The following LRP1B variants were observed in gnomAD, a reference collection of about 807,000 sequenced individuals.
LRP1B encodes LDL receptor related protein 1B.
LRP1B carries 217 observed loss-of-function variants against 556.6 expected under a neutral mutation model. The ratio of observed to expected loss-of-function variants is 0.39; its 90% CI spans 0.35 to 0.44. The LOEUF is 0.44. LRP1B is among the 20% of genes least tolerant of loss of function. The probability of loss-of-function intolerance (pLI) is 1.00; values close to 1 mark genes in which losing one functional copy is unlikely to be tolerated. For synonymous variants in LRP1B, 2,047 were observed against 1,865.8 expected (o/e 1.10, Z -2.50); for missense variants, 5,053 against 5,620.8 (o/e 0.90, Z 3.23).
intron 41 of LRP1B, among the ~76,000 whole-genome samples, chr2:140,691,014 T>A (rs143502017): frequency 6.6e-6 from 1 of 152,274 alleles, no homozygotes; most frequent in African/African-American, 2.4e-5. Flanking sequence ...TATTCTATGA[T>A]CAAATTAAAA....
chr2:141,739,988 A>G (rs1043007098), intron 2 of LRP1B, among the ~76,000 whole-genome samples: 5 of 152,130 alleles, frequency 3.3e-5, no homozygotes, highest in Non-Finnish European at 7.4e-5. Context: ...CCACAAATCA[A>G]TGTTGAAAAG....
At chr2:141,215,155 T>C (rs528137702) in intron 6 of LRP1B, among the ~76,000 whole-genome samples, 2 of 152,218 alleles carry the variant, frequency 1.3e-5, no homozygotes, top group East Asian at 3.9e-4. Context: ...ATCTGGTTAT[T>C]TGAAAGTGTG....
chr2:140,471,379 T>C (rs1200624576), intron 60 of LRP1B, among the ~76,000 whole-genome samples: 1 of 152,200 alleles, frequency 6.6e-6, no homozygotes, highest in African/African-American at 2.4e-5. Context: ...ACATAGAGAT[T>C]CTGAATATCT....
intron 1 of LRP1B, among the ~76,000 whole-genome samples, chr2:141,829,531 G>A (rs781703587): frequency 3.9e-4 from 59 of 152,018 alleles, no homozygotes; most frequent in Non-Finnish European, 7.8e-4. Flanking sequence ...GTTTTTCTTA[G>A]CATGCTGATA....
intron 2 of LRP1B, among the ~76,000 whole-genome samples, chr2:141,655,785 T>C (rs1414800549): frequency 6.6e-6 from 1 of 152,152 alleles, no homozygotes; most frequent in Admixed American, 6.6e-5. Context: ...ACTGACTTTC[T>C]CCAGGTTATA....
intron 2 of LRP1B, among the ~76,000 whole-genome samples, chr2:141,585,347 C>T (rs140585136): frequency 6.6e-6 from 1 of 151,534 alleles, no homozygotes; most frequent in Non-Finnish European, 1.5e-5. Flanking sequence ...TAAAAGAAAA[C>T]CCTTATTCAA....
At chr2:140,669,099 G>A (rs1685390577) in intron 41 of LRP1B, among the ~76,000 whole-genome samples, 1 of 152,148 alleles carries the variant, frequency 6.6e-6, no homozygotes, top group African/African-American at 2.4e-5. Flanking sequence ...AGAGAACTGG[G>A]TATCAGGGTA....
chr2:142,060,704 G>A (rs772316042), intron 1 of LRP1B, among the ~76,000 whole-genome samples: 2 of 152,024 alleles, frequency 1.3e-5, no homozygotes, highest in Non-Finnish European at 2.9e-5. Context: ...TATGTTTTAA[G>A]AGAATACATA....
intron 3 of LRP1B, among the ~76,000 whole-genome samples, chr2:141,260,219 T>C (rs1684633267): frequency 6.6e-6 from 1 of 152,234 alleles, no homozygotes; most frequent in East Asian, 1.9e-4. Flanking sequence ...TTGATCTCTT[T>C]GTATCTATAA....
chr2:140,725,658 C>T (rs538098940), intron 35 of LRP1B, among the ~76,000 whole-genome samples: 1 of 151,494 alleles, frequency 6.6e-6, no homozygotes, highest in Non-Finnish European at 1.5e-5. Flanking sequence ...ACATTGTGCA[C>T]ATGTACCCTA....
intron 2 of LRP1B, among the ~76,000 whole-genome samples, chr2:141,534,831 G>A (rs191831217): frequency 2.6e-5 from 4 of 152,228 alleles, no homozygotes; most frequent in Admixed American, 2.6e-4. Flanking sequence ...GTACACTTCA[G>A]GGCATGGGGC....
rs3749010 is a variant in LRP1B, at chr2:140,813,760, T to G, written c.5256A>C (p.Ser1752=). Residue 1752 remains serine (S), a synonymous_variant, in exon 32 of 91, where the codon TCA becomes TCC. Coordinates refer to ENST00000389484, the MANE Select transcript of LRP1B (RefSeq NM_018557.3). Reference sequence around the variant, plus strand: ...TGCATCTATTTATGGTTCCATTCCCTGAACTGATCCAATAAAGCTTGTTTT... The same window carrying G: ...TGCATCTATTTATGGTTCCATTCCCGGAACTGATCCAATAAAGCTTGTTTT... ...YVENKLYWIS[S]GNGTINRCNL... is the part of the protein sequence containing the mutation. 1 of 1,609,082 alleles carries G rather than the reference T, an allele frequency of 6.2e-7. No homozygotes were observed. Among genetic ancestry groups the G allele is most frequent in the South Asian group, 1.1e-5 (1 of 90,966 alleles).
chr2:140,271,927 G>A (rs1682478040), intron 85 of LRP1B, among the ~76,000 whole-genome samples: 1 of 151,650 alleles, frequency 6.6e-6, no homozygotes, highest in South Asian at 2.1e-4. Context: ...TTTATCAAAG[G>A]AACAGCCTCA....
intron 17 of LRP1B, among the ~76,000 whole-genome samples, chr2:140,987,814 G>T (rs906658008): frequency 2.0e-5 from 3 of 151,886 alleles, no homozygotes; most frequent in African/African-American, 7.3e-5. Context: ...GTGAATCCCT[G>T]TTCTCTACTA....
chr2:140,546,000 TTGTGTGTGTGTG>T (rs148045904), intron 43 of LRP1B, among the ~76,000 whole-genome samples: 3,183 of 142,692 alleles, frequency 0.022, 95 homozygotes, highest in African/African-American at 0.065. Context: ...TATTATTAGG[TTGTGTGTGTGTG>T]TGTGTGTGTG....
At chr2:141,607,018 C>T (rs1023415247) in intron 2 of LRP1B, among the ~76,000 whole-genome samples, 2 of 151,658 alleles carry the variant, frequency 1.3e-5, no homozygotes, top group Admixed American at 6.6e-5. Context: ...GTTTTTCTTC[C>T]AACAAATATG....
At chr2:141,213,828 T>C (rs1432798508) in intron 6 of LRP1B, among the ~76,000 whole-genome samples, 4 of 152,174 alleles carry the variant, frequency 2.6e-5, no homozygotes, top group Admixed American at 1.3e-4. Context: ...GGTTTTTTTT[T>C]CCTAAATATT....
At chr2:141,910,939 C>A (rs1320586852) in intron 1 of LRP1B, among the ~76,000 whole-genome samples, 1 of 151,946 alleles carries the variant, frequency 6.6e-6, no homozygotes, top group East Asian at 1.9e-4. Flanking sequence ...TTTATTCAAA[C>A]AGGTGATATT....
Position 140,598,663 on chromosome 2 carries a change from C to T in LRP1B, c.7162G>A (p.Glu2388Lys), listed in dbSNP as rs1682535720. The T allele has an allele frequency of 1.2e-6, 2 of 1,613,518 alleles. No individual in the cohort carries two copies. The highest frequency in any genetic ancestry group is 3.3e-5 in the Admixed American group (2 of 59,966). Residue 2388 changes from glutamate (E) to lysine (K), a missense_variant, in exon 43 of 91, where the codon GAA becomes AAA. Glu to Lys is a moderately conservative substitution (Grantham distance 56, BLOSUM62 1). Coordinates refer to ENST00000389484, the MANE Select transcript of LRP1B (RefSeq NM_018557.3). ...TGGGATCCATCGTATTCACACCTTTCAATTTTTCCTAGACTGCCATCTGAG... is the reference window on the plus strand; with the variant it reads ...TGGGATCCATCGTATTCACACCTTTTAATTTTTCCTAGACTGCCATCTGAG... ...YFSDGSLGKI[E>K]RCEYDGSQRH...
Sources: gnomAD v4.1 joint callset for allele counts (sites outside exome capture counted in the v4.1 genomes callset) on GRCh38, gnomAD v4.1.1 for gene constraint, MANE v1.5 for transcripts, NCBI Gene and HGNC (gene_info 2026-07-23, HGNC 2026-07-21) for gene names.